YTHDC2: variants seen among roughly 807,000 people sequenced by gnomAD.
YTHDC2 encodes YTH N6-methyladenosine RNA binding protein C2, also known as 3'-5' RNA helicase YTHDC2.
YTHDC2 carries 45 observed loss-of-function variants against 174.9 expected under a neutral mutation model. The ratio of observed to expected loss-of-function variants is 0.26; its 90% CI spans 0.20 to 0.33. YTHDC2 has a LOEUF of 0.33. Among genes scored for constraint, YTHDC2 ranks in the 10% least tolerant of loss-of-function variants. YTHDC2 has a pLI of 1.00. For missense variants in YTHDC2, 1,650 were observed against 1,723.7 expected (o/e 0.96, Z 0.76); for synonymous variants, 657 against 574.5 (o/e 1.14, Z -2.05).
chr5:113,524,310 A>T (rs192067603), intron 2 of YTHDC2, among the ~76,000 whole-genome samples: 1 of 152,282 alleles, frequency 6.6e-6, no homozygotes, highest in East Asian at 1.9e-4. Flanking sequence ...AGAAGTCATG[A>T]AAGATATGCT....
chr5:113,574,766 T>G (rs1777935863), intron 23 of YTHDC2, among the ~76,000 whole-genome samples: 1 of 151,878 alleles, frequency 6.6e-6, no homozygotes. Flanking sequence ...CAAACAGATT[T>G]CCTGCCTTGC....
chr5:113,591,009 T>A, intron 26 of YTHDC2, 32 bp from the exon 27 acceptor site: 1 of 1,588,796 alleles, frequency 6.3e-7, no homozygotes, highest in Non-Finnish European at 8.6e-7. Context: ...AAGGTCAGGT[T>A]ACCTTTCAAG....
chr5:113,593,161 C>T (rs1779095216), intron 28 of YTHDC2, 142 bp from the exon 29 acceptor site: 1 of 603,640 alleles, frequency 1.7e-6, no homozygotes, highest in Admixed American at 2.8e-5. Flanking sequence ...TAGAACAATT[C>T]ATACCAGATG....
At chr5:113,523,141 A>G (rs941546878) in intron 2 of YTHDC2, among the ~76,000 whole-genome samples, 1 of 152,142 alleles carries the variant, frequency 6.6e-6, no homozygotes, top group Non-Finnish European at 1.5e-5. Context: ...TTTAGTTAAT[A>G]GATGATAAAT....
intron 25 of YTHDC2, 65 bp downstream of exon 25, chr5:113,581,774 A>C: frequency 7.8e-7 from 1 of 1,288,182 alleles, no homozygotes; most frequent in Non-Finnish European, 1.0e-6. Context: ...TATTTATCTT[A>C]GAATCATGTG....
At chr5:113,579,239 G>A (rs1260728633) in intron 23 of YTHDC2, among the ~76,000 whole-genome samples, 1 of 151,898 alleles carries the variant, frequency 6.6e-6, no homozygotes, top group South Asian at 2.1e-4. Context: ...ATTGCTTTGG[G>A]CACCTTTCAT....
intron 17 of YTHDC2, among the ~76,000 whole-genome samples, chr5:113,559,108 A>G (rs12519323): frequency 0.21 from 31,789 of 151,922 alleles, 3,797 homozygotes; most frequent in Admixed American, 0.34. Flanking sequence ...AGAGGACCAT[A>G]AACATTTAAG....
At chr5:113,562,358 T>C (rs1184171391) in intron 18 of YTHDC2, among the ~76,000 whole-genome samples, 2 of 150,320 alleles carry the variant, frequency 1.3e-5, no homozygotes, top group Non-Finnish European at 3.0e-5. Context: ...GCAGAATGCA[T>C]TTATTTGATT....
At chr5:113,562,388 T>C (rs1777053519) in intron 18 of YTHDC2, among the ~76,000 whole-genome samples, 1 of 151,520 alleles carries the variant, frequency 6.6e-6, no homozygotes, top group Admixed American at 6.6e-5. Flanking sequence ...GTTTGGCTAA[T>C]GCTGGCTTCC....
At chr5:113,545,086 C>G (rs1775764298) in intron 10 of YTHDC2, among the ~76,000 whole-genome samples, 1 of 151,940 alleles carries the variant, frequency 6.6e-6, no homozygotes, top group South Asian at 2.1e-4. Context: ...TTGTTTCTGC[C>G]TAACAATTTT....
chr5:113,561,250 T>C, intron 18 of YTHDC2, 65 bp downstream of exon 18: 2 of 1,258,754 alleles, frequency 1.6e-6, no homozygotes, highest in South Asian at 2.6e-5. Context: ...CCATTTCAAC[T>C]TCTATGGATT....
chr5:113,589,003 A>G (rs940382654), intron 26 of YTHDC2, among the ~76,000 whole-genome samples: 2 of 152,160 alleles, frequency 1.3e-5, no homozygotes, highest in Admixed American at 1.3e-4. Flanking sequence ...TAAATGCTAT[A>G]ATGTATTGTT....
intron 1 of YTHDC2, 22 bp downstream of exon 1, chr5:113,514,104 A>G (rs1862315): frequency 1.2e-6 from 2 of 1,603,792 alleles, no homozygotes; most frequent in Non-Finnish European, 1.7e-6. Flanking sequence ...GACAGGGACC[A>G]TGCTGGCAGT....
chr5:113,560,693 T>C (rs1459133644), intron 17 of YTHDC2, among the ~76,000 whole-genome samples: 2 of 152,260 alleles, frequency 1.3e-5, no homozygotes, highest in African/African-American at 4.8e-5. Flanking sequence ...GTGTAATGCA[T>C]AATTTGTATG....
At chr5:113,588,113 T>C (rs1778793877) in intron 26 of YTHDC2, among the ~76,000 whole-genome samples, 1 of 152,122 alleles carries the variant, frequency 6.6e-6, no homozygotes, top group Non-Finnish European at 1.5e-5. Flanking sequence ...CCTTATTTCA[T>C]TTATTAATTC....
chr5:113,577,942 T>G (rs75646051), intron 23 of YTHDC2, among the ~76,000 whole-genome samples: 1,815 of 152,272 alleles, frequency 0.012, 36 homozygotes, highest in African/African-American at 0.042. Context: ...ATTAAACTCA[T>G]TAATCCTTTG....
Position 113,553,754 on chromosome 5 carries a change from C to CA in YTHDC2, c.1965-11dup. 2 of 1,612,070 alleles carry CA rather than the reference C, an allele frequency of 1.2e-6. No homozygotes were observed. Among genetic ancestry groups the CA allele is most frequent in the Non-Finnish European group, 1.7e-6 (2 of 1,179,166 alleles). The stretch of plus-strand genomic sequence containing the variant: ...AGGTCTTATAGTATGTTTTCTCTTT[C>CA]AATTGTCTGCAGATACCAAGTCTTT... On this transcript the variant is annotated splice_polypyrimidine_tract_variant and intron_variant, in intron 14 of 29. Coordinates refer to ENST00000161863, the MANE Select transcript of YTHDC2 (RefSeq NM_022828.5).
At chr5:113,534,743 T>A (rs974113843) in intron 6 of YTHDC2, among the ~76,000 whole-genome samples, 3 of 152,170 alleles carry the variant, frequency 2.0e-5, no homozygotes, top group Non-Finnish European at 4.4e-5. Flanking sequence ...ATTTCTTTTA[T>A]CTCTATACTT....
intron 2 of YTHDC2, among the ~76,000 whole-genome samples, chr5:113,516,964 A>G (rs921402941): frequency 7.9e-5 from 12 of 152,166 alleles, no homozygotes; most frequent in African/African-American, 1.4e-4. Flanking sequence ...CTTATAGTCC[A>G]CTAGGTAGGT....
Sources: allele counts gnomAD v4.1 joint callset (sites outside exome capture counted in the v4.1 genomes callset), GRCh38; gene constraint gnomAD v4.1.1; transcripts MANE v1.5; gene names NCBI Gene and HGNC (gene_info 2026-07-23, HGNC 2026-07-21).